Variants in ICMT observed in about 807,000 individuals in gnomAD.
ICMT encodes protein-S-isoprenylcysteine O-methyltransferase.
Under a neutral mutation model 32.2 loss-of-function variants are expected in ICMT, and 10 were observed. That is an observed-to-expected ratio of 0.31 (90% confidence interval 0.19 to 0.53). ICMT has a LOEUF of 0.53. ICMT is among the 20% of genes least tolerant of loss of function. ICMT has a pLI of 0.96. For synonymous variants in ICMT, 183 were observed against 158.2 expected, an observed-to-expected ratio of 1.16 and a Z score of -1.18; for missense variants, 265 against 356.9, an observed-to-expected ratio of 0.74 and a Z score of 2.07.
intron 2 of ICMT, among the ~76,000 whole-genome samples, chr1:6,234,030 G>T (rs1298068329): frequency 6.6e-6 from 1 of 152,140 alleles, no homozygotes; most frequent in East Asian, 1.9e-4. Context: ...TGTATTTTTA[G>T]TAGAGACAGG....
In ICMT at chr1:6,234,990, G is replaced by A; in HGVS notation, c.196-16C>T. The A allele has an allele frequency of 6.2e-7, 1 of 1,606,508 alleles. No homozygotes were observed. The highest frequency in any genetic ancestry group is 8.5e-7 in the Non-Finnish European group (1 of 1,174,022). ...GGATGGCTATCTGAAAGGAACCCAA[G>A]AGAAGCTCAGTCATTCACAGTCCTC... is the stretch of plus-strand genomic sequence containing the variant. On this transcript the variant is annotated splice_polypyrimidine_tract_variant and intron_variant, in intron 1 of 4. Transcript: ENST00000343813.
chr1:6,229,520 G>A (rs1668697861), intron 4 of ICMT, among the ~76,000 whole-genome samples: 1 of 151,666 alleles, frequency 6.6e-6, no homozygotes. Flanking sequence ...TTAGCCAGGT[G>A]TGATGACACA....
At chr1:6,226,569 C>T (rs1432713128) in intron 4 of ICMT, among the ~76,000 whole-genome samples, 1 of 152,078 alleles carries the variant, frequency 6.6e-6, no homozygotes, top group Non-Finnish European at 1.5e-5. Flanking sequence ...ATATTTTAGG[C>T]TCCAATACAG....
intron 2 of ICMT, 32 bp from the exon 3 acceptor site, chr1:6,233,675 G>A (rs555550881): frequency 1.3e-6 from 2 of 1,584,922 alleles, no homozygotes; most frequent in South Asian, 1.1e-5. Context: ...GTTAAGTTGG[G>A]ACAAGAGAAC....
At chr1:6,231,544 CAA>C (rs35257483) in intron 4 of ICMT, among the ~76,000 whole-genome samples, 7 of 129,752 alleles carry the variant, frequency 5.4e-5, no homozygotes, top group African/African-American at 2.7e-5. Flanking sequence ...CTGTCTCTAC[CAA>C]AAAAAAAAAA....
At chr1:6,233,354 G>A (rs1668766849) in intron 3 of ICMT, 120 bp downstream of exon 3, 1 of 846,332 alleles carries the variant, frequency 1.2e-6, no homozygotes, top group Non-Finnish European at 1.9e-6. Flanking sequence ...AGTGAGGATA[G>A]AGGTCTGCGG....
At chr1:6,235,641 G>A (rs1032758285) in intron 1 of ICMT, 76 bp downstream of exon 1, 4 of 1,009,528 alleles carry the variant, frequency 4.0e-6, no homozygotes, top group African/African-American at 3.4e-5. Flanking sequence ...GGCCCGGGGA[G>A]AAAGGTGCCC....
In ICMT at chr1:6,225,016, G is replaced by A. The variant is rs1206685464; in HGVS notation, c.*64C>T. Reference sequence around the variant, plus strand: ...AAAATCCATGTGGCAGCGGCCAACCGGAAACAGTTTTGTCCCAGGCTGCAC... The same window carrying A: ...AAAATCCATGTGGCAGCGGCCAACCAGAAACAGTTTTGTCCCAGGCTGCAC... On this transcript the variant is annotated 3_prime_UTR_variant, in exon 5 of 5. Transcript: ENST00000343813. 1.4e-5 allele frequency: 20 copies of A among 1,398,506 alleles called. No homozygotes were observed. The highest frequency in any genetic ancestry group is 6.9e-5 in the East Asian group (3 of 43,450). The allele number at this position is 1,398,506 out of a possible 1,614,324, so 86.6% of individuals were successfully genotyped here.
rs1249707906 is a variant in ICMT at position 6,221,248 on chromosome 1, G to A, written c.*3832C>T. On this transcript the variant is annotated 3_prime_UTR_variant, in exon 5 of 5. Coordinates refer to ENST00000343813, the MANE Select transcript of ICMT (RefSeq NM_012405.4). ...GAACTGGAAAGAATAATCAGTATCT[G>A]TGAAAGAAAATCCAATTTAGAATAT... is the stretch of plus-strand genomic sequence containing the variant. The A allele has an allele frequency of 6.6e-6, 1 of 152,622 alleles. No individual in the cohort carries two copies. The highest frequency in any genetic ancestry group is 1.5e-5 in the Non-Finnish European group (1 of 68,034). The allele number at this position is 152,622 out of a possible 1,614,324, so 9.5% of individuals were successfully genotyped here. A position where few individuals can be genotyped will look rare whatever the true frequency, so the allele number is the denominator to read the frequency against.
At chr1:6,234,348 C>T (rs1417906403) in intron 2 of ICMT, 32 of 391,888 alleles carry the variant, frequency 8.2e-5, no homozygotes, top group South Asian at 4.2e-4. Flanking sequence ...GAAATAATTC[C>T]GGCAAAGAAG....
Position 6,225,269 on chromosome 1 carries a change from G to T in ICMT, c.673-7C>A. 6.2e-7 allele frequency: 1 copy of T among 1,611,536 alleles called. No homozygotes were observed. The highest frequency in any genetic ancestry group is 8.5e-7 in the Non-Finnish European group (1 of 1,179,068). ...TGGGGTTACACAGCATCACCTAACA[G>T]AGGGAGACACCAGGCTCATCAGGGT... On this transcript the variant is annotated splice_region_variant and splice_polypyrimidine_tract_variant and intron_variant, in intron 4 of 4. Coordinates refer to ENST00000343813, the MANE Select transcript of ICMT (RefSeq NM_012405.4).
chr1:6,231,738 G>C (rs142253759), intron 4 of ICMT, among the ~76,000 whole-genome samples, 164 bp downstream of exon 4: 2 of 151,672 alleles, frequency 1.3e-5, no homozygotes, highest in African/African-American at 4.8e-5. Flanking sequence ...GCGCCAAGAA[G>C]AACATGTACC....
Position 6,223,184 on chromosome 1 carries a change from T to G in ICMT, c.*1896A>C, listed in dbSNP as rs1363742300. 1.3e-5 allele frequency: 2 copies of G among 152,176 alleles called. No individual in the cohort carries two copies. The allele number at this position is 152,176 out of a possible 1,614,324, so 9.4% of individuals were successfully genotyped here. On this transcript the variant is annotated 3_prime_UTR_variant, in exon 5 of 5. Coordinates refer to ENST00000343813, the MANE Select transcript of ICMT (RefSeq NM_012405.4). ...GTGCAAAGGCCCGATCTCAACTCAC[T>G]GCAACCTCCGCCTCCTGGGTTCAAA...
In ICMT at chr1:6,234,933, G is replaced by A. The variant is rs1434667018; in HGVS notation, c.237C>T (p.Cys79=). 6.2e-7 allele frequency: 1 copy of A among 1,613,914 alleles called. No individual in the cohort carries two copies. Among genetic ancestry groups the A allele is most frequent in the Non-Finnish European group, 8.5e-7 (1 of 1,179,908 alleles). The change falls in exon 2 of 5, where the codon TGC becomes TGT. Residue 79 remains cysteine, a synonymous_variant. Coordinates refer to ENST00000343813, the MANE Select transcript of ICMT (RefSeq NM_012405.4). The part of the protein sequence containing the change: ...RACFLGFVFG[C]GTLLSFSQSS... The stretch of plus-strand genomic sequence containing the variant: ...ACTGGCTAAAACTTAGCAGCGTGCC[G>A]CAGCCGAACACAAACCCCAGGAAAC...
chr1:6,224,965 G>C lies in ICMT; in HGVS notation c.*115C>G. On this transcript the variant is annotated 3_prime_UTR_variant, in exon 5 of 5. Coordinates refer to ENST00000343813, the MANE Select transcript of ICMT (RefSeq NM_012405.4). ...TGGTCTTGAGTGACATTCCAGAAGAGTGACTAATGACATAAAACGATTAAG... is the reference window on the plus strand; with the variant it reads ...TGGTCTTGAGTGACATTCCAGAAGACTGACTAATGACATAAAACGATTAAG... The C allele has an allele frequency of 1.0e-6, 1 of 959,966 alleles. No homozygotes were observed. Among genetic ancestry groups the C allele is most frequent in the African/African-American group, 1.6e-5 (1 of 61,024 alleles). The allele number at this position is 959,966 out of a possible 1,614,324, so 59.5% of individuals were successfully genotyped here. A position where few individuals can be genotyped will look rare whatever the true frequency, so the allele number is the denominator to read the frequency against.
intron 4 of ICMT, among the ~76,000 whole-genome samples, chr1:6,226,269 G>A (rs900644514): frequency 1.3e-5 from 2 of 152,172 alleles, no homozygotes; most frequent in African/African-American, 4.8e-5. Flanking sequence ...AGTGGTGGGA[G>A]CCTGTAATCC....
intron 2 of ICMT, chr1:6,234,378 T>C: frequency 2.4e-6 from 1 of 420,284 alleles, no homozygotes; most frequent in South Asian, 1.7e-5. Flanking sequence ...GCTCAAAATA[T>C]TGATAAGAGG....
intron 4 of ICMT, among the ~76,000 whole-genome samples, chr1:6,231,182 AG>A (rs755363912): frequency 3.2e-4 from 45 of 140,194 alleles, no homozygotes; most frequent in Non-Finnish European, 6.9e-4. Flanking sequence ...AAAAAAAAAA[AG>A]AAAGAAAGAA....
At chr1:6,228,428 C>T (rs1443973881) in intron 4 of ICMT, among the ~76,000 whole-genome samples, 2 of 151,452 alleles carry the variant, frequency 1.3e-5, no homozygotes, top group African/African-American at 2.4e-5. Flanking sequence ...CTGCAAGCTC[C>T]GCCTCCCGGG....
Sources: allele counts gnomAD v4.1 joint callset (sites outside exome capture counted in the v4.1 genomes callset), GRCh38; gene constraint gnomAD v4.1.1; transcripts MANE v1.5; gene names NCBI Gene and HGNC (gene_info 2026-07-23, HGNC 2026-07-21).